MAGI1: variants seen among roughly 807,000 people sequenced by gnomAD.
MAGI1 encodes membrane-associated guanylate kinase, WW and PDZ domain-containing protein 1.
In MAGI1, 58 loss-of-function variants were observed where a neutral mutation model predicts 139.9. That is an observed-to-expected ratio of 0.41 (90% CI 0.34 to 0.52). The LOEUF (loss-of-function observed/expected upper bound fraction) is 0.52. Among genes scored for constraint, MAGI1 ranks in the 20% least tolerant of loss-of-function variants. The probability of loss-of-function intolerance (pLI) is 0.12; values close to 1 mark genes in which losing one functional copy is unlikely to be tolerated. For synonymous variants in MAGI1, 812 were observed against 737.9 expected, an observed-to-expected ratio of 1.10 and a Z score of -1.63; for missense variants, 1,874 against 1,901.6, an observed-to-expected ratio of 0.99 and a Z score of 0.27.
chr3:65,996,202 A>T (rs1382694323), intron 1 of MAGI1, among the ~76,000 whole-genome samples: 2 of 152,126 alleles, frequency 1.3e-5, no homozygotes, highest in Non-Finnish European at 2.9e-5. Context: ...ATATGAAAAT[A>T]ATTACAGCAC....
At chr3:65,857,565 G>C (rs12496892) in intron 1 of MAGI1, among the ~76,000 whole-genome samples, 22,461 of 152,130 alleles carry the variant, frequency 0.15, 1,791 homozygotes, top group African/African-American at 0.2. Flanking sequence ...TAATCGCTCA[G>C]GCTGCCTTGG....
Position 65,391,304 on chromosome 3 carries a change from G to A in MAGI1, c.2254C>T (p.His752Tyr). 6.2e-7 allele frequency: 1 copy of A among 1,614,160 alleles called. No homozygotes were observed. Among genetic ancestry groups the A allele is most frequent in the South Asian group, 1.1e-5 (1 of 91,078 alleles). The change falls in exon 14 of 23, where the codon CAC becomes TAC. Residue 752 changes from histidine to tyrosine, a missense_variant. His to Tyr is a moderately conservative substitution (Grantham distance 83, BLOSUM62 2). Around this residue, in one of 5 missense-constraint regions of MAGI1, gnomAD observed 482 missense variants for 509.6 expected, o/e 0.95. Coordinates refer to ENST00000402939, the MANE Select transcript of MAGI1 (RefSeq NM_001033057.2). ...GGGGATGCTGTGTGCAGGCTTCGGT[G>A]GCTGGAAACACTGTGCTGAGAACTA... ...QNSSQHSVSS[H>Y]RSLHTASPSH...
intron 1 of MAGI1, among the ~76,000 whole-genome samples, chr3:66,020,193 A>G (rs1229050735): frequency 1.3e-5 from 2 of 152,086 alleles, no homozygotes; most frequent in Non-Finnish European, 2.9e-5. Flanking sequence ...TAATTCCAGC[A>G]CTTTGCGAGG....
intron 1 of MAGI1, among the ~76,000 whole-genome samples, chr3:66,026,333 T>C (rs1232611700): frequency 6.6e-6 from 1 of 152,154 alleles, no homozygotes; most frequent in East Asian, 1.9e-4. Context: ...TAGTTCAAAA[T>C]GCTACAACAA....
At chr3:65,908,327 A>G (rs1224683997) in intron 1 of MAGI1, among the ~76,000 whole-genome samples, 2 of 151,880 alleles carry the variant, frequency 1.3e-5, no homozygotes, top group Admixed American at 6.6e-5. Flanking sequence ...TAATCGAGAC[A>G]GAGTCTTACA....
At chr3:65,860,504 C>T (rs556094205) in intron 1 of MAGI1, among the ~76,000 whole-genome samples, 101 of 152,280 alleles carry the variant, frequency 6.6e-4, no homozygotes, top group African/African-American at 2.4e-3. Context: ...CCGGGCAGCC[C>T]GCGCGTTCCC....
At chr3:65,739,744 G>A (rs1238998411) in intron 1 of MAGI1, among the ~76,000 whole-genome samples, 4 of 152,158 alleles carry the variant, frequency 2.6e-5, no homozygotes, top group South Asian at 2.1e-4. Context: ...GGGATCCGTG[G>A]AGCAGTCAGA....
chr3:65,558,710 G>T (rs2080203203), intron 2 of MAGI1, among the ~76,000 whole-genome samples: 1 of 152,084 alleles, frequency 6.6e-6, no homozygotes, highest in Non-Finnish European at 1.5e-5. Flanking sequence ...AAACCCTGCA[G>T]ATTTGGGACC....
At chr3:65,367,715 G>T (rs1213709895) in intron 18 of MAGI1, among the ~76,000 whole-genome samples, 1 of 152,196 alleles carries the variant, frequency 6.6e-6, no homozygotes, top group African/African-American at 2.4e-5. Flanking sequence ...AGCAGGTGGA[G>T]ATACTGGGAA....
At chr3:65,734,737 A>C (rs2107750740) in intron 1 of MAGI1, among the ~76,000 whole-genome samples, 3 of 152,214 alleles carry the variant, frequency 2.0e-5, no homozygotes, top group Middle Eastern at 3.4e-3. Flanking sequence ...GTTAAAATCT[A>C]ACAATAAGCG....
intron 2 of MAGI1, among the ~76,000 whole-genome samples, chr3:65,567,326 G>A (rs74979999): frequency 0.011 from 1,655 of 151,720 alleles, 27 homozygotes; most frequent in African/African-American, 0.037. Flanking sequence ...CCACACTCAC[G>A]CTGACTGTGT....
chr3:65,889,729 T>C (rs1234677331), intron 1 of MAGI1, among the ~76,000 whole-genome samples: 1 of 152,146 alleles, frequency 6.6e-6, no homozygotes, highest in Non-Finnish European at 1.5e-5. Flanking sequence ...TTACCATCTA[T>C]TGAGAGCTAC....
intron 1 of MAGI1, among the ~76,000 whole-genome samples, chr3:65,964,147 C>A (rs1382137949): frequency 3.3e-5 from 5 of 152,170 alleles, no homozygotes; most frequent in Admixed American, 6.5e-5. Flanking sequence ...CAGCAACTGC[C>A]CTGCCCTGTC....
chr3:65,637,529 A>G (rs2084695729), intron 1 of MAGI1, among the ~76,000 whole-genome samples: 1 of 150,384 alleles, frequency 6.6e-6, no homozygotes. Flanking sequence ...ATTTCAGCCT[A>G]GGTGACATTG....
At chr3:65,402,350 T>C (rs1209772041) in intron 12 of MAGI1, among the ~76,000 whole-genome samples, 3 of 152,130 alleles carry the variant, frequency 2.0e-5, no homozygotes, top group Non-Finnish European at 4.4e-5. Flanking sequence ...AAGGGACAAG[T>C]GATCTCCTCA....
intron 1 of MAGI1, among the ~76,000 whole-genome samples, chr3:65,991,372 T>G (rs2066167547): frequency 1.3e-5 from 2 of 151,724 alleles, no homozygotes; most frequent in Non-Finnish European, 2.9e-5. Flanking sequence ...CTCATGAAGC[T>G]GGTTTCCAAG....
intron 22 of MAGI1, among the ~76,000 whole-genome samples, chr3:65,358,630 A>C (rs186903112): frequency 3.3e-5 from 5 of 152,304 alleles, no homozygotes; most frequent in African/African-American, 1.2e-4. Context: ...CCTATGTGTC[A>C]ATAAAACTTT....
At chr3:65,897,843 A>G (rs1323052775) in intron 1 of MAGI1, among the ~76,000 whole-genome samples, 1 of 151,718 alleles carries the variant, frequency 6.6e-6, no homozygotes, top group Non-Finnish European at 1.5e-5. Flanking sequence ...AGCCTGAGCA[A>G]CAGAGTAAAA....
intron 12 of MAGI1, among the ~76,000 whole-genome samples, chr3:65,405,144 A>C (rs777920402): frequency 2.0e-5 from 3 of 152,186 alleles, no homozygotes; most frequent in Non-Finnish European, 4.4e-5. Flanking sequence ...AGGGAAGTGT[A>C]TGTTCAAAGT....
Sources: gnomAD v4.1 joint callset for allele counts (sites outside exome capture counted in the v4.1 genomes callset) on GRCh38, gnomAD v4.1.1 for gene constraint, gnomAD v4.1.1 regional missense constraint, MANE v1.5 for transcripts, NCBI Gene and HGNC (gene_info 2026-07-23, HGNC 2026-07-21) for gene names.